The following SPATA16 variants were observed in gnomAD, a reference collection of about 807,000 sequenced individuals.
SPATA16 encodes spermatogenesis associated 16, also known as spermatogenesis-associated protein 16.
A neutral mutation model predicts 63.3 loss-of-function variants in SPATA16; 36 were observed. The observed-to-expected ratio is 0.57, with a 90% CI of 0.44 to 0.75. The LOEUF (loss-of-function observed/expected upper bound fraction) is 0.75. Among genes scored for constraint, SPATA16 ranks in the 30% least tolerant of loss-of-function variants. The probability of loss-of-function intolerance (pLI) is 0.00; values close to 1 mark genes in which losing one functional copy is unlikely to be tolerated. For missense variants in SPATA16, 646 were observed against 679.3 expected (o/e 0.95, Z 0.54); for synonymous variants, 203 against 216.7 (o/e 0.94, Z 0.56).
intron 3 of SPATA16, among the ~76,000 whole-genome samples, chr3:173,029,961 A>AT (rs1735562327): frequency 1.3e-5 from 2 of 152,080 alleles, no homozygotes; most frequent in Non-Finnish European, 2.9e-5. Flanking sequence ...CATTCATGCC[A>AT]TTAATAAATT....
chr3:173,128,848 TACAG>T (rs1283980766), intron 1 of SPATA16, among the ~76,000 whole-genome samples: 1 of 152,238 alleles, frequency 6.6e-6, no homozygotes, highest in Non-Finnish European at 1.5e-5. Flanking sequence ...ATTAGCTTAC[TACAG>T]AGGATACTGA....
At chr3:173,056,705 CAAAAAAAAAAAA>C (rs71162325) in intron 2 of SPATA16, among the ~76,000 whole-genome samples, 110 of 73,600 alleles carry the variant, frequency 1.5e-3, no homozygotes, top group African/African-American at 5.9e-3. Context: ...ACTCTTGTTT[CAAAAAAAAAAAA>C]AAAAAAAAAA....
intron 8 of SPATA16, among the ~76,000 whole-genome samples, chr3:172,923,978 GAC>G (rs1732670867): frequency 6.6e-6 from 1 of 152,182 alleles, no homozygotes; most frequent in African/African-American, 2.4e-5. Flanking sequence ...TCTTTAAAGA[GAC>G]ACTATCCTAA....
chr3:173,015,861 G>GGTGTGTGTGT (rs57049586), intron 4 of SPATA16, among the ~76,000 whole-genome samples: 1 of 148,750 alleles, frequency 6.7e-6, no homozygotes, highest in African/African-American at 2.5e-5. Flanking sequence ...TCCCAAATGG[G>GGTGTGTGTGT]GTGTGTGTGT....
In SPATA16 at chr3:172,933,069, T is replaced by A. The variant is rs542378804; in HGVS notation, c.1082-7577A>T. Among the ~76,000 whole-genome samples, 125 of 152,328 alleles carry A rather than the reference T, an allele frequency of 8.2e-4. 1 individual carries two copies. The highest frequency in any genetic ancestry group is 1.7e-3 in the Non-Finnish European group (116 of 68,024). ...TTTATGTTTAATGAGCTGTATTGGA[T>A]CTTTATTCTGGGCTTTATTACACTG... is the stretch of plus-strand genomic sequence containing the variant. On this transcript the variant is annotated intron_variant, in intron 6 of 10. Transcript: ENST00000351008.
At chr3:172,978,103 A>G (rs993986626) in intron 4 of SPATA16, among the ~76,000 whole-genome samples, 1 of 151,424 alleles carries the variant, frequency 6.6e-6, no homozygotes, top group Middle Eastern at 3.4e-3. Flanking sequence ...AAATACCACC[A>G]ACTGGAGGAT....
rs777422983 is a variant in SPATA16, at chr3:173,048,989, G to T, written c.718C>A (p.Arg240=). 6.2e-7 allele frequency: 1 copy of T among 1,613,794 alleles called. No individual in the cohort carries two copies. The highest frequency in any genetic ancestry group is 8.5e-7 in the Non-Finnish European group (1 of 1,179,734). Residue 240 remains arginine (R), a synonymous_variant, in exon 3 of 11, where the codon CGG becomes AGG. Transcript: ENST00000351008. ...AGGGCAAGATCTGGTTTCCTCATCC[G>T]TAGATAACAGGTAACAAGCTTTGTC... ...IETKLVTCYL[R]MRKPDLALNH...
intron 10 of SPATA16, among the ~76,000 whole-genome samples, chr3:172,909,284 A>G (rs1732308953): frequency 6.6e-6 from 1 of 152,204 alleles, no homozygotes; most frequent in African/African-American, 2.4e-5. Flanking sequence ...TTGAATACAA[A>G]TATTAATCCT....
intron 3 of SPATA16, among the ~76,000 whole-genome samples, chr3:173,039,524 A>G (rs771174067): frequency 6.6e-6 from 1 of 152,166 alleles, no homozygotes; most frequent in East Asian, 1.9e-4. Context: ...ATTGTTTCAT[A>G]ACAATACCAC....
chr3:172,958,102 C>G (rs1159915304), intron 5 of SPATA16, among the ~76,000 whole-genome samples: 1 of 152,192 alleles, frequency 6.6e-6, no homozygotes, highest in Non-Finnish European at 1.5e-5. Context: ...TTGTCCTGTT[C>G]AAGTTCAAGG....
intron 10 of SPATA16, among the ~76,000 whole-genome samples, chr3:172,897,685 A>G (rs1477669448): frequency 6.6e-6 from 1 of 152,040 alleles, no homozygotes; most frequent in East Asian, 1.9e-4. Context: ...TATGTAGACA[A>G]TTATGTTATC....
At chr3:173,077,604 T>A (rs2108311482) in intron 2 of SPATA16, among the ~76,000 whole-genome samples, 1 of 152,282 alleles carries the variant, frequency 6.6e-6, no homozygotes, top group East Asian at 1.9e-4. Context: ...AGAGAACTAA[T>A]CAGGATTTCA....
chr3:172,913,768 T>C, intron 9 of SPATA16, 24 bp from the exon 10 acceptor site: 5 of 1,603,884 alleles, frequency 3.1e-6, no homozygotes, highest in Non-Finnish European at 4.3e-6. Context: ...ATAAAAATTA[T>C]CAGTGTGGAA....
chr3:173,016,906 C>A (rs1735202301), intron 4 of SPATA16, among the ~76,000 whole-genome samples: 1 of 151,792 alleles, frequency 6.6e-6, no homozygotes, highest in African/African-American at 2.4e-5. Context: ...CCCAGCTACT[C>A]AGGAGGCTGA....
intron 2 of SPATA16, among the ~76,000 whole-genome samples, chr3:173,055,553 A>G (rs10936743): frequency 0.063 from 9,614 of 152,276 alleles, 387 homozygotes; most frequent in African/African-American, 0.11. Flanking sequence ...ATTACATGAC[A>G]CAATTATAGG....
At chr3:173,033,813 T>C (rs1735657060) in intron 3 of SPATA16, among the ~76,000 whole-genome samples, 1 of 152,188 alleles carries the variant, frequency 6.6e-6, no homozygotes, top group Admixed American at 6.6e-5. Context: ...CAAGCGATTC[T>C]CCTGCCTCAG....
intron 10 of SPATA16, among the ~76,000 whole-genome samples, chr3:172,903,215 A>G (rs1048425090): frequency 6.6e-6 from 1 of 152,268 alleles, no homozygotes; most frequent in African/African-American, 2.4e-5. Context: ...AGCAATGTAT[A>G]GAAGGAACTA....
At chr3:172,956,954 G>T (rs2108234913) in intron 5 of SPATA16, 130 bp from the exon 6 acceptor site, 1 of 1,141,994 alleles carries the variant, frequency 8.8e-7, no homozygotes, top group Non-Finnish European at 1.2e-6. Context: ...ACATATTTTG[G>T]TCTTGAATAT....
chr3:172,922,677 T>C (rs1273093480), intron 8 of SPATA16, among the ~76,000 whole-genome samples: 2 of 152,150 alleles, frequency 1.3e-5, no homozygotes, highest in Non-Finnish European at 2.9e-5. Flanking sequence ...TCTCAGCACT[T>C]TGTGAGGCCA....
Sources: allele counts gnomAD v4.1 joint callset (sites outside exome capture counted in the v4.1 genomes callset), GRCh38; gene constraint gnomAD v4.1.1; transcripts MANE v1.5; gene names NCBI Gene and HGNC (gene_info 2026-07-23, HGNC 2026-07-21).